NUP98: variants seen among roughly 807,000 people sequenced by gnomAD.
NUP98 encodes the protein nucleoporin 98 and 96 precursor, also known as nuclear pore complex protein Nup98-Nup96.
In NUP98, 26 loss-of-function variants were observed where a neutral mutation model predicts 191.9. The ratio of observed to expected loss-of-function variants is 0.14; its 90% CI spans 0.10 to 0.19. The LOEUF is 0.19. Ranked by LOEUF, NUP98 falls within the 10% of genes least tolerant of loss-of-function variation. The probability of loss-of-function intolerance (pLI) is 1.00; values close to 1 mark genes in which losing one functional copy is unlikely to be tolerated. For missense variants in NUP98, 1,941 were observed against 2,178.8 expected (o/e 0.89, Z 2.17); for synonymous variants, 808 against 778.4 (o/e 1.04, Z -0.63).
At chr11:3,792,893 C>T (rs967318104) in intron 1 of NUP98, among the ~76,000 whole-genome samples, 29 of 152,000 alleles carry the variant, frequency 1.9e-4, no homozygotes, top group African/African-American at 6.5e-4. Flanking sequence ...CCAAGGCAGG[C>T]GGATCACTTG....
chr11:3,767,922 G>A (rs2081392967), intron 8 of NUP98, among the ~76,000 whole-genome samples: 1 of 152,018 alleles, frequency 6.6e-6, no homozygotes, highest in African/African-American at 2.4e-5. Flanking sequence ...AGTCAGTAAT[G>A]AATAAGTATT....
intron 12 of NUP98, among the ~76,000 whole-genome samples, chr11:3,739,931 A>G (rs977276606): frequency 6.6e-6 from 1 of 152,164 alleles, no homozygotes. Flanking sequence ...GATTTTCCTA[A>G]TAATACATTC....
intron 20 of NUP98, among the ~76,000 whole-genome samples, chr11:3,708,520 A>G (rs775682021): frequency 1.8e-4 from 27 of 152,154 alleles, no homozygotes; most frequent in Non-Finnish European, 2.8e-4. Context: ...AACCTGTAAG[A>G]TATCATCTAA....
chr11:3,691,677 C>T (rs1256182547), intron 27 of NUP98, among the ~76,000 whole-genome samples, 188 bp from the exon 28 acceptor site: 1 of 152,126 alleles, frequency 6.6e-6, no homozygotes, highest in Non-Finnish European at 1.5e-5. Context: ...CCTCAGCCTC[C>T]CAAGTAGCTG....
chr11:3,768,869 C>T, intron 7 of NUP98, 125 bp from the exon 8 acceptor site: 1 of 621,092 alleles, frequency 1.6e-6, no homozygotes, highest in South Asian at 4.8e-5. Flanking sequence ...ACCCTTCATT[C>T]ACTACTTGAT....
At chr11:3,742,177 C>T (rs1189739876) in intron 12 of NUP98, among the ~76,000 whole-genome samples, 1 of 152,064 alleles carries the variant, frequency 6.6e-6, no homozygotes, top group African/African-American at 2.4e-5. Flanking sequence ...TGATACCATC[C>T]TTCAGAATTT....
At chr11:3,774,768 A>G (rs1006680691) in intron 5 of NUP98, among the ~76,000 whole-genome samples, 1 of 152,104 alleles carries the variant, frequency 6.6e-6, no homozygotes, top group South Asian at 2.1e-4. Flanking sequence ...GGAAAAAGGC[A>G]CAATAAGTAA....
At chr11:3,782,227 A>C (rs1037954880) in intron 1 of NUP98, 82 bp from the exon 2 acceptor site, 17 of 726,348 alleles carry the variant, frequency 2.3e-5, no homozygotes, top group African/African-American at 2.1e-4. Flanking sequence ...CATTCCACAA[A>C]CTTAGGCCTA....
chr11:3,692,420 G>A (rs1460518327), intron 27 of NUP98, among the ~76,000 whole-genome samples: 2 of 151,750 alleles, frequency 1.3e-5, no homozygotes, highest in African/African-American at 2.4e-5. Flanking sequence ...GAGGTCAGGA[G>A]ATCGAGACCA....
chr11:3,771,130 T>G (rs1047784509), intron 7 of NUP98, among the ~76,000 whole-genome samples: 2 of 152,218 alleles, frequency 1.3e-5, no homozygotes, highest in African/African-American at 4.8e-5. Flanking sequence ...CCCAAAGTGC[T>G]AGGACTGCAG....
intron 18 of NUP98, 36 bp from the exon 19 acceptor site, chr11:3,714,031 G>A: frequency 6.3e-7 from 1 of 1,599,742 alleles, no homozygotes; most frequent in Admixed American, 1.7e-5. Flanking sequence ...ACCAATTAAA[G>A]TAAAAGCGCT....
At position 3,797,349 on chromosome 11, in the gene NUP98, G is replaced by C. The variant is rs944393489; in HGVS notation, c.-29+51C>G. On this transcript the variant is annotated intron_variant, in intron 1 of 32. Coordinates refer to ENST00000324932, the MANE Select transcript of NUP98 (RefSeq NM_016320.5). ...CCCCGCGCGTCCGCCCGCCCGGAAG[G>C]GGGGAGAAACCTGCCGGTCTCGGCC... 41 of 400,286 alleles carry C rather than the reference G, an allele frequency of 1.0e-4. No individual in the cohort carries two copies. The Middle Eastern group carries it at 1.9e-3, about 18-fold the overall frequency. The allele number at this position is 400,286 out of a possible 1,614,324, so 24.8% of individuals were successfully genotyped here.
chr11:3,792,897 T>C (rs1242316250), intron 1 of NUP98, among the ~76,000 whole-genome samples: 1 of 151,948 alleles, frequency 6.6e-6, no homozygotes, highest in Non-Finnish European at 1.5e-5. Context: ...GGCAGGCGGA[T>C]CACTTGAGGC....
chr11:3,762,754 ATT>A, intron 9 of NUP98, 146 bp downstream of exon 9: 1 of 747,820 alleles, frequency 1.3e-6, no homozygotes, highest in Non-Finnish European at 2.1e-6. Flanking sequence ...ATATCAAATA[ATT>A]TTTTGTTCTC....
intron 1 of NUP98, among the ~76,000 whole-genome samples, chr11:3,793,845 C>T (rs1432985666): frequency 6.6e-6 from 1 of 151,878 alleles, no homozygotes; most frequent in African/African-American, 2.4e-5. Context: ...TGGCACGCAC[C>T]TGTAATCCAG....
chr11:3,754,545 A>G (rs1183286381), intron 10 of NUP98, among the ~76,000 whole-genome samples: 1 of 152,250 alleles, frequency 6.6e-6, no homozygotes, highest in Non-Finnish European at 1.5e-5. Flanking sequence ...TATTTTGAAT[A>G]GATGAACCTA....
chr11:3,688,948 T>C (rs2078220843), intron 28 of NUP98, among the ~76,000 whole-genome samples: 1 of 151,328 alleles, frequency 6.6e-6, no homozygotes, highest in Non-Finnish European at 1.5e-5. Context: ...TAAGAAGACT[T>C]CTCTGCTGCG....
At chr11:3,746,969 T>G (rs973410446) in intron 11 of NUP98, among the ~76,000 whole-genome samples, 2 of 151,364 alleles carry the variant, frequency 1.3e-5, no homozygotes, top group Non-Finnish European at 2.9e-5. Flanking sequence ...GGGATTATCA[T>G]AAAATGACTT....
At chr11:3,762,879 TAC>T (rs2081219211) in intron 9 of NUP98, 21 bp downstream of exon 9, 1 of 1,607,750 alleles carries the variant, frequency 6.2e-7, no homozygotes, top group African/African-American at 1.3e-5. Context: ...ATCTTCAAAT[TAC>T]AGTCAACTGC....
Sources: allele counts gnomAD v4.1 joint callset (sites outside exome capture counted in the v4.1 genomes callset), GRCh38; gene constraint gnomAD v4.1.1; transcripts MANE v1.5; gene names NCBI Gene and HGNC (gene_info 2026-07-23, HGNC 2026-07-21).